The following PCTP variants were observed in gnomAD, a reference collection of about 807,000 sequenced individuals.
The protein encoded by PCTP is START domain-containing protein 2.
Under a neutral mutation model 31.0 loss-of-function variants are expected in PCTP, and 27 were observed. That is an observed-to-expected ratio of 0.87 (90% CI 0.64 to 1.20). PCTP has a LOEUF of 1.20. Ranked by LOEUF, PCTP falls within the 50% of genes most tolerant of loss-of-function variation. The pLI is 0.00. For synonymous variants in PCTP, 108 were observed against 101.2 expected (o/e 1.07, Z -0.40); for missense variants, 287 against 268.2 (o/e 1.07, Z -0.49).
At chr17:55,818,450 A>T (rs1437413288) in intron 3 of PCTP, among the ~76,000 whole-genome samples, 1 of 152,164 alleles carries the variant, frequency 6.6e-6, no homozygotes, top group Non-Finnish European at 1.5e-5. Context: ...ATCTGTAAAA[A>T]ATTCTGGTTT....
chr17:55,777,020 T>G lies in PCTP; in HGVS notation c.*920T>G. On this transcript the variant is annotated 3_prime_UTR_variant, in exon 6 of 6. Transcript: ENST00000268896. ...AGAATATTTAGAAATGTAGAAGGGA[T>G]AACAGTTCACAGCCAGGTAAAATTT... The G allele has an allele frequency of 1.0e-6, 1 of 985,810 alleles. No individual in the cohort carries two copies. The highest frequency in any genetic ancestry group is 5.2e-4 in the Middle Eastern group (1 of 1,914). The allele number at this position is 985,810 out of a possible 1,614,324, so 61.1% of individuals were successfully genotyped here.
intron 5 of PCTP, 114 bp from the exon 6 acceptor site, chr17:55,775,921 C>T: frequency 6.7e-7 from 1 of 1,484,308 alleles, no homozygotes; most frequent in Non-Finnish European, 8.9e-7. Flanking sequence ...AGTTAGGGAG[C>T]CTATTCATTT....
chr17:55,789,620 C>T (rs1911880704), intron 3 of PCTP, among the ~76,000 whole-genome samples: 1 of 152,126 alleles, frequency 6.6e-6, no homozygotes, highest in South Asian at 2.1e-4. Context: ...TTCCTAAATC[C>T]CTTCCTTCAG....
At chr17:55,797,017 A>G (rs1434524225) in intron 3 of PCTP, among the ~76,000 whole-genome samples, 1 of 151,986 alleles carries the variant, frequency 6.6e-6, no homozygotes, top group Non-Finnish European at 1.5e-5. Context: ...CCAATGGAAC[A>G]CCAGCATTCA....
chr17:55,834,745 A>C (rs1450836254), intron 5 of PCTP, among the ~76,000 whole-genome samples: 1 of 152,156 alleles, frequency 6.6e-6, no homozygotes, highest in East Asian at 1.9e-4. Context: ...AAAGAGTTCT[A>C]TTGAATGGTG....
At chr17:55,767,820 C>T (rs560881102) in intron 2 of PCTP, among the ~76,000 whole-genome samples, 1 of 128,820 alleles carries the variant, frequency 7.8e-6, no homozygotes, top group East Asian at 2.4e-4. Flanking sequence ...TGACCAGATG[C>T]AGTGACTCAC....
intron 1 of PCTP, among the ~76,000 whole-genome samples, chr17:55,756,242 C>T (rs1339314084): frequency 6.6e-6 from 1 of 152,156 alleles, no homozygotes; most frequent in African/African-American, 2.4e-5. Flanking sequence ...GGATCATATT[C>T]ATTGATGAGA....
downstream of PCTP, among the ~76,000 whole-genome samples, chr17:55,823,634 T>G (rs569393307): frequency 6.6e-6 from 1 of 152,370 alleles, no homozygotes; most frequent in South Asian, 2.1e-4. Flanking sequence ...TGGCTCCTAG[T>G]GTCCCCTTCT....
chr17:55,758,844 A>AT (rs1379186876), intron 1 of PCTP, among the ~76,000 whole-genome samples: 1 of 152,150 alleles, frequency 6.6e-6, no homozygotes, highest in Non-Finnish European at 1.5e-5. Context: ...CAAGGTTCAG[A>AT]TTTGGTGGAA....
intron 1 of PCTP, 160 bp downstream of exon 1, chr17:55,751,404 C>G (rs1183188126): frequency 2.8e-5 from 43 of 1,534,176 alleles, no homozygotes; most frequent in African/African-American, 6.9e-5. Flanking sequence ...CTGGAGCTAG[C>G]GCAGGGGCGG....
Position 55,775,295 on chromosome 17 carries a change from T to C in PCTP, c.579+436T>C, listed in dbSNP as rs1449060817. The C allele has an allele frequency of 4.9e-6, 6 of 1,235,848 alleles. No individual in the cohort carries two copies. In the Admixed American group the frequency reaches 1.6e-4, roughly 34 times the overall value. 76.6% of individuals were successfully genotyped at this position (1,235,848 alleles called of 1,614,324 possible). ...TGTTGTTGTTGCCCTTTTTTTTTTT[T>C]CTTTTTCTCTATAAGGGAGGGAACT... On this transcript the variant is annotated intron_variant, in intron 5 of 5. Transcript: ENST00000268896.
At chr17:55,781,776 G>T (rs377299545), downstream of PCTP, among the ~76,000 whole-genome samples, 1 of 152,082 alleles carries the variant, frequency 6.6e-6, no homozygotes, top group African/African-American at 2.4e-5. Flanking sequence ...CTAGGAAAAC[G>T]GGTTACTCCA....
chr17:55,852,294 A>G, the PCTP span, among the ~76,000 whole-genome samples: 26 of 152,160 alleles, frequency 1.7e-4, no homozygotes, highest in Admixed American at 6.5e-5. Context: ...TAACCCTCAA[A>G]CAAAAGGAGG....
intron 5 of PCTP, among the ~76,000 whole-genome samples, chr17:55,833,371 A>G (rs539503717): frequency 1.3e-5 from 2 of 152,330 alleles, no homozygotes; most frequent in South Asian, 4.1e-4. Flanking sequence ...AGAAACTTAA[A>G]TTATGCCTTC....
At position 55,809,550 on chromosome 17, in the gene PCTP, T is replaced by G. The variant is rs941016080; in HGVS notation, c.318-13211T>G. On this transcript the variant is annotated intron_variant, in intron 3 of 3. Coordinates refer to the PCTP transcript ENST00000572536. ...TTTTTTTTTTTTTTTGGAGACGAAG[T>G]CTTGCTCTGTCACCCAGGCTGGAGT... Among the ~76,000 whole-genome samples the G allele has an allele frequency of 4.7e-5, 7 of 147,704 alleles. No homozygotes were observed. In the Admixed American group the frequency reaches 4.8e-4, roughly 10 times the overall value.
intron 1 of PCTP, among the ~76,000 whole-genome samples, chr17:55,757,926 CTGATGTTTAAGTTAG>C (rs1347645600): frequency 6.6e-6 from 1 of 152,154 alleles, no homozygotes; most frequent in Non-Finnish European, 1.5e-5. Context: ...CTCCCTCTCC[CTGATGTTTAAGTTAG>C]TGGTCACTTG....
chr17:55,833,251 CACAGCA>C (rs1438454171), intron 5 of PCTP, among the ~76,000 whole-genome samples: 1 of 152,130 alleles, frequency 6.6e-6, no homozygotes, highest in African/African-American at 2.4e-5. Context: ...ATAGACGTTC[CACAGCA>C]AGTATAGATA....
At chr17:55,775,979 G>A in intron 5 of PCTP, 56 bp from the exon 6 acceptor site, 2 of 1,601,496 alleles carry the variant, frequency 1.2e-6, no homozygotes, top group Non-Finnish European at 1.7e-6. Flanking sequence ...ACATCCCAAA[G>A]AATCAAGAGT....
chr17:55,814,590 G>C (rs1912857151), intron 3 of PCTP, among the ~76,000 whole-genome samples: 1 of 152,216 alleles, frequency 6.6e-6, no homozygotes, highest in Non-Finnish European at 1.5e-5. Context: ...CGCTCAGCTG[G>C]TAGCATCATT....
Sources: gnomAD v4.1 joint callset for allele counts (sites outside exome capture counted in the v4.1 genomes callset) on GRCh38, gnomAD v4.1.1 for gene constraint, MANE v1.5 for transcripts, NCBI Gene and HGNC (gene_info 2026-07-23, HGNC 2026-07-21) for gene names.